The following PHF24 variants were observed in gnomAD, a reference collection of about 807,000 sequenced individuals.
PHF24 encodes the protein Galpha inhibitory interacting protein.
PHF24 carries 25 observed loss-of-function variants against 42.6 expected under a neutral mutation model. The observed-to-expected ratio is 0.59, with a 90% CI of 0.43 to 0.82. PHF24 has a LOEUF of 0.82. Among genes scored for constraint, PHF24 ranks in the 40% least tolerant of loss-of-function variants. The pLI is 0.00. For missense variants in PHF24, 470 were observed against 538.1 expected (o/e 0.87, Z 1.25); for synonymous variants, 185 against 204.8 (o/e 0.90, Z 0.83).
At chr9:34,956,590 G>A (rs771795489), upstream of PHF24, among the ~76,000 whole-genome samples, 23 of 152,148 alleles carry the variant, frequency 1.5e-4, no homozygotes, top group African/African-American at 5.3e-4. Context: ...GGAATTAACC[G>A]ACAGAGATTT....
the PHF24 span, among the ~76,000 whole-genome samples, chr9:34,747,135 T>A: frequency 6.6e-6 from 1 of 152,134 alleles, no homozygotes; most frequent in Non-Finnish European, 1.5e-5. Flanking sequence ...CTGCAGGACA[T>A]AGTGGCACAC....
the PHF24 span, among the ~76,000 whole-genome samples, chr9:34,737,108 T>G: frequency 1.3e-5 from 2 of 152,158 alleles, no homozygotes; most frequent in Non-Finnish European, 2.9e-5. Flanking sequence ...TTTTAGTACA[T>G]TCACAACATG....
chr9:34,725,282 A>C, the PHF24 span: 9 of 1,325,458 alleles, frequency 6.8e-6, no homozygotes, highest in Non-Finnish European at 9.4e-6. Context: ...GGGTGACAGC[A>C]CATCGCAAGC....
At chr9:34,735,850 T>C in the PHF24 span, among the ~76,000 whole-genome samples, 56 of 151,716 alleles carry the variant, frequency 3.7e-4, 1 homozygote, top group African/African-American at 1.3e-3. Context: ...CTTAGATATA[T>C]GATACATATA....
chr9:34,874,753 T>C, the PHF24 span, among the ~76,000 whole-genome samples: 1 of 152,222 alleles, frequency 6.6e-6, no homozygotes, highest in African/African-American at 2.4e-5. Context: ...AAGTTAGTAG[T>C]GTCCGTTTTC....
At chr9:34,832,362 TG>T in the PHF24 span, 1 of 791,392 alleles carries the variant, frequency 1.3e-6, no homozygotes, top group Non-Finnish European at 2.1e-6. Context: ...GTGGTGGGGG[TG>T]GCCTGGGGTT....
chr9:34,938,133 A>T, the PHF24 span, among the ~76,000 whole-genome samples: 1 of 152,218 alleles, frequency 6.6e-6, no homozygotes, highest in South Asian at 2.1e-4. Context: ...AATGAAGAAG[A>T]GGAAGCCTTA....
At chr9:34,796,864 C>T in the PHF24 span, among the ~76,000 whole-genome samples, 3 of 152,184 alleles carry the variant, frequency 2.0e-5, no homozygotes, top group Non-Finnish European at 4.4e-5. Context: ...ACTTGTTATA[C>T]GCCAATGCTC....
chr9:34,748,535 A>T, the PHF24 span, among the ~76,000 whole-genome samples: 1 of 152,052 alleles, frequency 6.6e-6, no homozygotes, highest in African/African-American at 2.4e-5. Flanking sequence ...GCATAGAGAG[A>T]CTCTGTTTGG....
the PHF24 span, among the ~76,000 whole-genome samples, chr9:34,841,544 A>G: frequency 7.2e-5 from 11 of 152,156 alleles, no homozygotes; most frequent in Non-Finnish European, 1.3e-4. Flanking sequence ...TTAATGTACA[A>G]TAAGCTACAC....
At chr9:34,963,287 CT>C (rs1185665736) in intron 1 of PHF24, among the ~76,000 whole-genome samples, 1 of 117,106 alleles carries the variant, frequency 8.5e-6, no homozygotes, top group Non-Finnish European at 1.7e-5. Flanking sequence ...TGCTTAAAAT[CT>C]TGAGGTTGAT....
chr9:34,836,173 T>G, the PHF24 span: 5 of 383,182 alleles, frequency 1.3e-5, no homozygotes, highest in Non-Finnish European at 2.6e-5. Context: ...TACACCCCCT[T>G]CATGTCTACT....
At chr9:34,782,244 G>A in the PHF24 span, among the ~76,000 whole-genome samples, 1 of 152,134 alleles carries the variant, frequency 6.6e-6, no homozygotes. Flanking sequence ...AAAAATGAGA[G>A]CAAGACTCAG....
the PHF24 span, among the ~76,000 whole-genome samples, chr9:34,772,996 T>G: frequency 6.6e-6 from 1 of 151,960 alleles, no homozygotes; most frequent in Non-Finnish European, 1.5e-5. Context: ...GTTCTGTTTT[T>G]TTTTTTTTTT....
At chr9:34,872,830 A>C in the PHF24 span, among the ~76,000 whole-genome samples, 1 of 134,384 alleles carries the variant, frequency 7.4e-6, no homozygotes, top group Non-Finnish European at 1.6e-5. Context: ...CCAACAGTGT[A>C]AAAGTGTTCC....
At chr9:34,735,245 C>T in the PHF24 span, among the ~76,000 whole-genome samples, 99 of 149,440 alleles carry the variant, frequency 6.6e-4, no homozygotes, top group African/African-American at 2.2e-3. Flanking sequence ...AAGCGATTCT[C>T]CTGCCTCAGC....
the PHF24 span, chr9:34,893,023 C>T: frequency 1.1e-6 from 1 of 923,812 alleles, no homozygotes; most frequent in Non-Finnish European, 1.7e-6. Flanking sequence ...CCAGTGAAGT[C>T]AGGGAGATCT....
At chr9:34,848,989 T>C in the PHF24 span, among the ~76,000 whole-genome samples, 18 of 152,222 alleles carry the variant, frequency 1.2e-4, no homozygotes, top group African/African-American at 3.9e-4. Flanking sequence ...TTTCTGTTCT[T>C]TTACATGTGC....
At chr9:34,709,680 A>G in the PHF24 span, 3 of 1,613,858 alleles carry the variant, frequency 1.9e-6, no homozygotes. Context: ...GCGGGGCAAG[A>G]ACCTGCGGGT....
Sources: gnomAD v4.1 joint callset for allele counts (sites outside exome capture counted in the v4.1 genomes callset) on GRCh38, gnomAD v4.1.1 for gene constraint, MANE v1.5 for transcripts, NCBI Gene and HGNC (gene_info 2026-07-23, HGNC 2026-07-21) for gene names.